The following GDAP1 variants were observed in gnomAD, a reference collection of about 807,000 sequenced individuals.
GDAP1 encodes ganglioside induced differentiation associated protein 1, also known as ganglioside-induced differentiation-associated protein 1.
Under a neutral mutation model 40.1 loss-of-function variants are expected in GDAP1, and 34 were observed. That is an observed-to-expected ratio of 0.85 (90% CI 0.64 to 1.13). The LOEUF (loss-of-function observed/expected upper bound fraction) is 1.13. GDAP1 is among the 50% of genes most tolerant of loss of function. GDAP1 has a pLI of 0.00. For missense variants in GDAP1, 374 were observed against 433.7 expected, an observed-to-expected ratio of 0.86 and a Z score of 1.22; for synonymous variants, 170 against 157.4, an observed-to-expected ratio of 1.08 and a Z score of -0.60.
intron 2 of GDAP1, among the ~76,000 whole-genome samples, chr8:74,467,549 G>A (rs925138163): frequency 2.6e-5 from 4 of 152,172 alleles, no homozygotes; most frequent in Non-Finnish European, 5.9e-5. Flanking sequence ...CAATGAACAG[G>A]CAGTGCAATC....
intron 2 of GDAP1, among the ~76,000 whole-genome samples, chr8:74,487,565 G>T (rs1435375581): frequency 6.6e-6 from 1 of 152,136 alleles, no homozygotes; most frequent in African/African-American, 2.4e-5. Context: ...CACTGAAAAT[G>T]ATGGGCTTGG....
At chr8:74,401,645 C>G (rs552928859) in intron 2 of GDAP1, among the ~76,000 whole-genome samples, 112 of 149,948 alleles carry the variant, frequency 7.5e-4, no homozygotes, top group Non-Finnish European at 1.5e-3. Flanking sequence ...TTTAGAGTTT[C>G]CAGTTTTTCT....
chr8:74,402,281 G>A (rs914774334), intron 2 of GDAP1, among the ~76,000 whole-genome samples: 16 of 150,480 alleles, frequency 1.1e-4, no homozygotes, highest in African/African-American at 2.3e-4. Context: ...CCCCAGCCTC[G>A]CTGCCACCTT....
intron 2 of GDAP1, among the ~76,000 whole-genome samples, chr8:74,420,361 A>C (rs1048887473): frequency 2.0e-5 from 3 of 152,178 alleles, no homozygotes; most frequent in Non-Finnish European, 4.4e-5. Flanking sequence ...TTTCTGGATC[A>C]GTTGCTTAAT....
At chr8:74,472,312 C>T (rs1806567743) in intron 2 of GDAP1, among the ~76,000 whole-genome samples, 2 of 152,078 alleles carry the variant, frequency 1.3e-5, no homozygotes, top group African/African-American at 2.4e-5. Flanking sequence ...GTACATGTAC[C>T]ACATTTTCTT....
At chr8:74,467,515 A>G (rs531080476) in intron 2 of GDAP1, among the ~76,000 whole-genome samples, 52 of 152,322 alleles carry the variant, frequency 3.4e-4, no homozygotes, top group African/African-American at 1.2e-3. Context: ...GGGTAAGTTC[A>G]GTGAAGATAT....
At chr8:74,481,404 T>G (rs989164036) in intron 2 of GDAP1, among the ~76,000 whole-genome samples, 1 of 152,248 alleles carries the variant, frequency 6.6e-6, no homozygotes, top group Non-Finnish European at 1.5e-5. Context: ...TTCCTGACAT[T>G]GTAGTCCTAA....
At chr8:74,422,626 C>T (rs998066748) in intron 2 of GDAP1, among the ~76,000 whole-genome samples, 1 of 151,526 alleles carries the variant, frequency 6.6e-6, no homozygotes, top group Non-Finnish European at 1.5e-5. Flanking sequence ...TGATGAAGCA[C>T]TTTCCCCCAA....
At chr8:74,394,044 C>A (rs984262108) in intron 2 of GDAP1, among the ~76,000 whole-genome samples, 1 of 151,954 alleles carries the variant, frequency 6.6e-6, no homozygotes, top group Non-Finnish European at 1.5e-5. Context: ...AAGACATACC[C>A]GAGACTGGAC....
At chr8:74,358,016 C>G (rs1161066253) in intron 2 of GDAP1, among the ~76,000 whole-genome samples, 1 of 152,146 alleles carries the variant, frequency 6.6e-6, no homozygotes, top group African/African-American at 2.4e-5. Context: ...AGCGCAGTGC[C>G]CCTGTGATAC....
rs370630482 is a variant in GDAP1 at position 74,385,247 on chromosome 8, A to G, written c.165+33926A>G. Among the ~76,000 whole-genome samples the G allele has an allele frequency of 4.6e-5, 7 of 152,272 alleles. No individual in the cohort carries two copies. In the South Asian group the frequency reaches 6.2e-4, roughly 14 times the overall value. ...GAATGTGCAGGTTTGTTACATAGGT[A>G]TACAAGTGCCATGGTGGTTTGCTGC... is the stretch of plus-strand genomic sequence containing the variant. On this transcript the variant is annotated intron_variant, in intron 2 of 2. Coordinates refer to the GDAP1 transcript ENST00000523640.
chr8:74,452,367 C>T, intron 2 of GDAP1, among the ~76,000 whole-genome samples: 1 of 82,868 alleles, frequency 1.2e-5, no homozygotes, highest in Non-Finnish European at 2.4e-5. Flanking sequence ...TTTTTTTGGT[C>T]CATGTTTCTC....
At chr8:74,373,731 T>G (rs1563450312) in intron 2 of GDAP1, among the ~76,000 whole-genome samples, 1 of 152,214 alleles carries the variant, frequency 6.6e-6, no homozygotes, top group African/African-American at 2.4e-5. Context: ...CCTCTTTTCC[T>G]AATTGAATAT....
At chr8:74,420,277 C>A (rs1805839732) in intron 2 of GDAP1, among the ~76,000 whole-genome samples, 1 of 152,078 alleles carries the variant, frequency 6.6e-6, no homozygotes, top group Admixed American at 6.6e-5. Context: ...CTTTTATGCT[C>A]AGGCCCTGGT....
At chr8:74,367,086 A>C, downstream of GDAP1, 1 of 141,658 alleles carries the variant, frequency 7.1e-6, no homozygotes. Flanking sequence ...CTAAAGAATA[A>C]CACTGATCTC....
chr8:74,370,319 A>C (rs1411524131), downstream of GDAP1, among the ~76,000 whole-genome samples: 1 of 152,234 alleles, frequency 6.6e-6, no homozygotes, highest in Non-Finnish European at 1.5e-5. Context: ...GGTTGGAGGA[A>C]GTGGATGAAT....
intron 5 of GDAP1, 44 bp from the exon 6 acceptor site, chr8:74,363,941 T>C (rs1397494315): frequency 6.3e-6 from 10 of 1,587,110 alleles, no homozygotes; most frequent in Non-Finnish European, 7.8e-6. Context: ...AGTCTGTCTG[T>C]AGAGTGCTTG....
At chr8:74,467,420 C>T (rs1267971313) in intron 2 of GDAP1, among the ~76,000 whole-genome samples, 1 of 151,998 alleles carries the variant, frequency 6.6e-6, no homozygotes, top group Non-Finnish European at 1.5e-5. Flanking sequence ...GACATAAGTT[C>T]AAAGTGTGAT....
intron 2 of GDAP1, among the ~76,000 whole-genome samples, chr8:74,356,775 C>CGCAATCTCGGCTCCCT (rs1809123324): frequency 7.1e-6 from 1 of 140,974 alleles, no homozygotes; most frequent in Non-Finnish European, 1.5e-5. Flanking sequence ...AGTGCAGTGG[C>CGCAATCTCGGCTCCCT]GCAATCTCGG....
Sources: allele counts gnomAD v4.1 joint callset (sites outside exome capture counted in the v4.1 genomes callset), GRCh38; gene constraint gnomAD v4.1.1; transcripts MANE v1.5; gene names NCBI Gene and HGNC (gene_info 2026-07-23, HGNC 2026-07-21).